The following TBCE variants were observed in gnomAD, a reference collection of about 807,000 sequenced individuals.
TBCE encodes the protein tubulin-specific chaperone E.
TBCE carries 53 observed loss-of-function variants against 77.0 expected under a neutral mutation model. The ratio of observed to expected loss-of-function variants is 0.69; its 90% CI spans 0.55 to 0.87. TBCE has a LOEUF of 0.87. Among genes scored for constraint, TBCE ranks in the 40% least tolerant of loss-of-function variants. The pLI is 0.00. For synonymous variants in TBCE, 235 were observed against 241.3 expected (o/e 0.97, Z 0.24); for missense variants, 624 against 622.4 (o/e 1.00, Z -0.03).
intron 5 of TBCE, among the ~76,000 whole-genome samples, chr1:235,425,096 C>T (rs528545793): frequency 1.2e-4 from 18 of 152,270 alleles, no homozygotes; most frequent in African/African-American, 3.9e-4. Context: ...CACTCCTCCA[C>T]GGCCTGCCCT....
chr1:235,441,354 G>A (rs1306832795), intron 13 of TBCE: 8 of 235,100 alleles, frequency 3.4e-5, no homozygotes, highest in Non-Finnish European at 5.8e-5. Context: ...TGGTGGAAAC[G>A]TGAGAAGTGT....
Position 235,448,934 on chromosome 1 carries a change from C to CATAATAGCAATAATAAA in TBCE, c.*173_*189dup. On this transcript the variant is annotated 3_prime_UTR_variant, in exon 17 of 17. Transcript: ENST00000642610. ...GGAAGTGACCATTTCTAGGCTTATACATAATAGCAATAATAAAGGCTTTGA... is the reference window on the plus strand; with the variant it reads ...GGAAGTGACCATTTCTAGGCTTATACATAATAGCAATAATAAAATAATAGCAATAATAAAGGCTTTGA... 3.4e-6 allele frequency: 2 copies of CATAATAGCAATAATAAA among 589,128 alleles called. No individual in the cohort carries two copies. The highest frequency in any genetic ancestry group is 6.1e-6 in the Non-Finnish European group (2 of 326,842). The allele number at this position is 589,128 out of a possible 1,614,324, so 36.5% of individuals were successfully genotyped here.
Position 235,405,320 on chromosome 1 carries a change from C to CT in TBCE, c.185+3752dup, listed in dbSNP as rs34897905. On this transcript the variant is annotated intron_variant, in intron 3 of 16. Coordinates refer to ENST00000642610, the MANE Select transcript of TBCE (RefSeq NM_003193.5). The stretch of plus-strand genomic sequence containing the variant: ...CTGCCTGAGGGTAGTTTACAATTAA[C>CT]TTTTTTTTTTTTTTTTTTTAATAAG... 9.3e-4 allele frequency among the ~76,000 whole-genome samples: 131 copies of CT among 141,008 alleles called. 1 individual carries two copies. The highest frequency in any genetic ancestry group is 3.4e-3 in the South Asian group (15 of 4,386). The allele number at this position is 141,008 out of a possible 152,430, so 92.5% of individuals were successfully genotyped here.
chr1:235,441,879 C>A lies in TBCE; in HGVS notation c.1336C>A (p.Leu446Ile). Residue 446 changes from leucine (L) to isoleucine (I), a missense_variant, in exon 14 of 17, where the codon CTA becomes ATA. Physicochemically the swap from Leu to Ile is conservative, Grantham distance 5. Transcript: ENST00000642610. ...ACCACTTATGCTGAAAAACCAGCTA[C>A]TAAGTAAGAATCTCAGATTCAAATA... The part of the protein sequence containing the change: ...QQPLMLKNQL[L>I]TLKIKYPHQL... 6.2e-7 allele frequency: 1 copy of A among 1,613,738 alleles called. No homozygotes were observed. The highest frequency in any genetic ancestry group is 1.3e-5 in the African/African-American group (1 of 75,034).
rs867981385 is a variant in TBCE, at chr1:235,369,651, G to A, written c.-32+2147G>A. Among the ~76,000 whole-genome samples, 13 of 102,124 alleles carry A rather than the reference G, an allele frequency of 1.3e-4. No individual in the cohort carries two copies. The East Asian group carries it at 2.7e-3, about 21-fold the overall frequency. 67.0% of individuals were successfully genotyped at this position (102,124 alleles called of 152,430 possible). A position where few individuals can be genotyped will look rare whatever the true frequency, so the allele number is the denominator to read the frequency against. On this transcript the variant is annotated intron_variant, in intron 1 of 16. Transcript: ENST00000642610. ...AGCCTGGCCAAAGTGGCGAAACCCC[G>A]TCTCTACTAAAAAAAAACACAAAAA... is the stretch of plus-strand genomic sequence containing the variant.
At chr1:235,410,957 C>T (rs920386699) in intron 3 of TBCE, among the ~76,000 whole-genome samples, 10 of 152,198 alleles carry the variant, frequency 6.6e-5, no homozygotes, top group Admixed American at 6.5e-4. Context: ...ATTTAGTAAG[C>T]TTATCCTGCA....
intron 2 of TBCE, among the ~76,000 whole-genome samples, chr1:235,399,352 C>T (rs1678943971): frequency 6.6e-6 from 1 of 152,158 alleles, no homozygotes; most frequent in South Asian, 2.1e-4. Context: ...TCTCAACTCC[C>T]ATACCTCTTG....
At chr1:235,378,306 A>G (rs1415968692) in intron 1 of TBCE, among the ~76,000 whole-genome samples, 1 of 152,000 alleles carries the variant, frequency 6.6e-6, no homozygotes, top group Non-Finnish European at 1.5e-5. Flanking sequence ...CTGCAGCCTC[A>G]GTCTTCTGGG....
intron 2 of TBCE, among the ~76,000 whole-genome samples, chr1:235,397,008 C>G (rs1357183819): frequency 1.3e-5 from 2 of 151,516 alleles, no homozygotes; most frequent in Non-Finnish European, 2.9e-5. Flanking sequence ...AAGAGTCTCG[C>G]TCTGTCTCCA....
intron 2 of TBCE, among the ~76,000 whole-genome samples, chr1:235,388,438 A>ATG (rs1397835040): frequency 5.3e-5 from 8 of 151,644 alleles, no homozygotes; most frequent in Non-Finnish European, 1.2e-4. Context: ...ACGGGGACCC[A>ATG]CCACCACACC....
chr1:235,414,625 G>A lies in TBCE; in HGVS notation c.371+7G>A. On this transcript the variant is annotated splice_region_variant and intron_variant, in intron 4 of 16. Coordinates refer to ENST00000642610, the MANE Select transcript of TBCE (RefSeq NM_003193.5). ...CTATTATGAAACAGCAAAGGTAAGT[G>A]GAGTTTATAACGGCAGAGCTGACTT... The A allele has an allele frequency of 1.9e-6, 3 of 1,613,188 alleles. No homozygotes were observed. The highest frequency in any genetic ancestry group is 2.5e-6 in the Non-Finnish European group (3 of 1,179,716).
intron 4 of TBCE, chr1:235,419,227 A>G: frequency 1.7e-6 from 1 of 590,176 alleles, no homozygotes; most frequent in Non-Finnish European, 3.0e-6. Flanking sequence ...AGAAAAGTTT[A>G]CCTCTGGGAG....
At chr1:235,441,395 T>A (rs1681867618) in intron 13 of TBCE, 1 of 260,336 alleles carries the variant, frequency 3.8e-6, no homozygotes, top group Non-Finnish European at 7.4e-6. Flanking sequence ...TGGCACCAGG[T>A]TTCTGTCAGC....
At chr1:235,373,693 G>A (rs1454667627) in intron 1 of TBCE, among the ~76,000 whole-genome samples, 1 of 150,954 alleles carries the variant, frequency 6.6e-6, no homozygotes, top group Non-Finnish European at 1.5e-5. Flanking sequence ...CTGTCGCCCA[G>A]GCTGAAGTGC....
At chr1:235,445,240 A>G (rs566339993) in intron 15 of TBCE, among the ~76,000 whole-genome samples, 128 of 152,156 alleles carry the variant, frequency 8.4e-4, no homozygotes, top group African/African-American at 2.9e-3. Context: ...TCAAATGTGC[A>G]CTCACTCACT....
intron 1 of TBCE, among the ~76,000 whole-genome samples, chr1:235,371,038 CTTTTTTTTTTTT>C (rs71174417): frequency 2.2e-3 from 51 of 23,302 alleles, no homozygotes; most frequent in African/African-American, 2.9e-3. Flanking sequence ...TCACGCCTGG[CTTTTTTTTTTTT>C]TTTTTTTTTT....
At chr1:235,430,430 G>A (rs1572419050) in intron 6 of TBCE, 4 of 336,280 alleles carry the variant, frequency 1.2e-5, no homozygotes, top group South Asian at 1.1e-4. Flanking sequence ...TGAGTTTTGG[G>A]TTTAGGAAGC....
chr1:235,446,032 C>T (rs1558397223), intron 15 of TBCE, among the ~76,000 whole-genome samples: 2 of 152,122 alleles, frequency 1.3e-5, no homozygotes, highest in East Asian at 1.9e-4. Flanking sequence ...TCATACTCGC[C>T]GCTTTCCAGG....
chr1:235,367,741 C>G (rs1052147642), intron 1 of TBCE, among the ~76,000 whole-genome samples: 6 of 152,192 alleles, frequency 3.9e-5, no homozygotes, highest in African/African-American at 1.2e-4. Context: ...TTAAGCTTCT[C>G]TCAGAGAATT....
Sources: gnomAD v4.1 joint callset for allele counts (sites outside exome capture counted in the v4.1 genomes callset) on GRCh38, gnomAD v4.1.1 for gene constraint, MANE v1.5 for transcripts, NCBI Gene and HGNC (gene_info 2026-07-23, HGNC 2026-07-21) for gene names.